The following MYO5C variants were observed in gnomAD, a reference collection of about 807,000 sequenced individuals.
MYO5C encodes myosin VC, also known as unconventional myosin-Vc.
In MYO5C, 194 loss-of-function variants were observed where a neutral mutation model predicts 235.7. The ratio of observed to expected loss-of-function variants is 0.82; its 90% CI spans 0.73 to 0.93. The LOEUF is 0.93. Among genes scored for constraint, MYO5C ranks in the 40% least tolerant of loss-of-function variants. The pLI is 0.00. For missense variants in MYO5C, 2,038 were observed against 2,127.2 expected (o/e 0.96, Z 0.82); for synonymous variants, 707 against 754.8 (o/e 0.94, Z 1.04).
At chr15:52,222,339 T>A (rs902434276) in intron 29 of MYO5C, among the ~76,000 whole-genome samples, 1 of 152,182 alleles carries the variant, frequency 6.6e-6, no homozygotes, top group African/African-American at 2.4e-5. Flanking sequence ...GTTCCCTGTG[T>A]CCACCCCTGG....
Position 52,196,302 on chromosome 15 carries a change from TG to T in MYO5C, c.4995+6del. 6.3e-7 allele frequency: 1 copy of T among 1,598,622 alleles called. No homozygotes were observed. The highest frequency in any genetic ancestry group is 1.1e-5 in the South Asian group (1 of 87,788). ...GAGCCAGGGAGACACTAAGCAAGCC[TG>T]GTCACCTGCACAGCAGACAGTGAGG... On this transcript the variant is annotated splice_donor_region_variant and intron_variant, in intron 39 of 40. Transcript: ENST00000261839.
At chr15:52,285,038 C>T (rs995981785) in intron 1 of MYO5C, among the ~76,000 whole-genome samples, 5 of 151,974 alleles carry the variant, frequency 3.3e-5, no homozygotes, top group Non-Finnish European at 7.4e-5. Context: ...TTATGCTTAA[C>T]ATGTTCATAT....
chr15:52,228,628 G>A (rs2035882536), intron 25 of MYO5C, among the ~76,000 whole-genome samples: 1 of 152,076 alleles, frequency 6.6e-6, no homozygotes, highest in Admixed American at 6.6e-5. Flanking sequence ...TCAAATACTT[G>A]TCATTTTTTG....
intron 13 of MYO5C, chr15:52,251,121 CTGA>C (rs1313779535): frequency 4.0e-6 from 1 of 247,078 alleles, no homozygotes. Flanking sequence ...AGAAAATAAA[CTGA>C]TAAGAGGTTA....
intron 24 of MYO5C, among the ~76,000 whole-genome samples, chr15:52,231,620 T>G (rs1311411956): frequency 1.3e-5 from 2 of 152,234 alleles, no homozygotes; most frequent in African/African-American, 2.4e-5. Context: ...TGATATTCCC[T>G]CCTCTCTTTA....
chr15:52,225,399 A>C, intron 26 of MYO5C, 40 bp downstream of exon 26: 1 of 1,454,776 alleles, frequency 6.9e-7, no homozygotes, highest in Non-Finnish European at 9.7e-7. Flanking sequence ...TGATAAATTC[A>C]GTCTGCACCC....
At position 52,214,650 on chromosome 15, in the gene MYO5C, T is replaced by G; in HGVS notation, c.3995A>C (p.Lys1332Thr). The stretch of plus-strand genomic sequence containing the variant: ...TGTCTTGACTTGATCTTGTAGCTTT[T>G]TAATCACTCTGTCTTTCATGTCTAA... ...EELDMKDRVI[K>T]KLQDQVKTLS... The change falls in exon 33 of 41, where the codon AAA becomes ACA. Residue 1332 changes from lysine (K) to threonine (T), a missense_variant. Physicochemically the swap from Lys to Thr is moderately conservative, Grantham distance 78. Transcript: ENST00000261839. The G allele has an allele frequency of 6.2e-7, 1 of 1,609,852 alleles. No individual in the cohort carries two copies. The highest frequency in any genetic ancestry group is 8.5e-7 in the Non-Finnish European group (1 of 1,177,782).
intron 30 of MYO5C, 43 bp downstream of exon 30, chr15:52,221,119 G>A: frequency 6.7e-7 from 1 of 1,495,458 alleles, no homozygotes; most frequent in Non-Finnish European, 9.2e-7. Context: ...CCGGGGTACA[G>A]GAAACCGTTT....
chr15:52,223,722 A>ACCC lies in MYO5C; in HGVS notation c.3448_3449insGGG (p.Arg1149_Val1150insGly). ...CTGAGACTGGAAATGGCTCTCCAAA[A>ACCC]CACTATTAAAGGAGGGGTCAAGAAA... On this transcript the variant is annotated inframe_insertion and splice_region_variant, in exon 29 of 41. Transcript: ENST00000261839. 1.9e-6 allele frequency: 3 copies of ACCC among 1,613,354 alleles called. No homozygotes were observed. Among genetic ancestry groups the ACCC allele is most frequent in the Non-Finnish European group, 2.5e-6 (3 of 1,179,666 alleles).
In MYO5C at chr15:52,244,590, T is replaced by C. The variant is rs181258821; in HGVS notation, c.2179-23A>G. The C allele has an allele frequency of 3.2e-4, 488 of 1,522,456 alleles. No homozygotes were observed. The Admixed American group carries it at 3.4e-3, about 10-fold the overall frequency. 94.3% of individuals were successfully genotyped at this position (1,522,456 alleles called of 1,614,324 possible). On this transcript the variant is annotated intron_variant, in intron 18 of 40. Transcript: ENST00000261839. Reference sequence around the variant, plus strand: ...ATCCTGGAAGAGAAAAATGATATAGTTAGAATTAAAATCTGTCAGATTTTC... The same window carrying C: ...ATCCTGGAAGAGAAAAATGATATAGCTAGAATTAAAATCTGTCAGATTTTC...
At chr15:52,280,663 G>A (rs1489887217) in intron 2 of MYO5C, among the ~76,000 whole-genome samples, 2 of 152,210 alleles carry the variant, frequency 1.3e-5, no homozygotes, top group African/African-American at 4.8e-5. Context: ...AGGTGGCCCA[G>A]CTGCCTTTCA....
At chr15:52,252,853 A>G (rs986379564) in intron 12 of MYO5C, among the ~76,000 whole-genome samples, 3 of 152,176 alleles carry the variant, frequency 2.0e-5, no homozygotes, top group Non-Finnish European at 4.4e-5. Flanking sequence ...GCCCCATGAG[A>G]GACACTGCCA....
Position 52,193,779 on chromosome 15 carries a change from G to T in MYO5C, c.*123C>A. 5 of 1,044,174 alleles carry T rather than the reference G, an allele frequency of 4.8e-6. No homozygotes were observed. Among genetic ancestry groups the T allele is most frequent in the Non-Finnish European group, 7.0e-6 (5 of 719,292 alleles). 64.7% of individuals were successfully genotyped at this position (1,044,174 alleles called of 1,614,324 possible). A position where few individuals can be genotyped will look rare whatever the true frequency, so the allele number is the denominator to read the frequency against. On this transcript the variant is annotated 3_prime_UTR_variant, in exon 41 of 41. Coordinates refer to ENST00000261839, the MANE Select transcript of MYO5C (RefSeq NM_018728.4). ...GAGTGAGAGATGATGTGGTCCATTT[G>T]AGAAAAGTCTGTTTTCTTCCTTAAA...
chr15:52,200,953 G>T (rs563029291), intron 38 of MYO5C, among the ~76,000 whole-genome samples: 3 of 152,286 alleles, frequency 2.0e-5, no homozygotes, highest in African/African-American at 7.2e-5. Flanking sequence ...AGGAGAGTCA[G>T]TGAACTTGAA....
At chr15:52,276,983 C>T (rs765257426) in intron 4 of MYO5C, 3 of 401,074 alleles carry the variant, frequency 7.5e-6, no homozygotes, top group Non-Finnish European at 1.5e-5. Flanking sequence ...AATGGTGACT[C>T]AGGGGTGGAG....
intron 21 of MYO5C, among the ~76,000 whole-genome samples, chr15:52,238,679 T>C (rs760658914): frequency 6.6e-6 from 1 of 152,232 alleles, no homozygotes; most frequent in Non-Finnish European, 1.5e-5. Flanking sequence ...TCGTTCTCTG[T>C]TGCCCAGGCT....
rs2035854188 is a variant in MYO5C, at chr15:52,227,403, T to G, written c.3207+1730A>C. On this transcript the variant is annotated intron_variant, in intron 25 of 40. Transcript: ENST00000261839. The stretch of plus-strand genomic sequence containing the variant: ...TAGTAGAGATGGGGTTTCACCGTGT[T>G]AACTAGGATGGTCTTGATCTCCTGA... 2.6e-5 allele frequency among the ~76,000 whole-genome samples: 4 copies of G among 151,286 alleles called. No individual in the cohort carries two copies. The South Asian group carries it at 8.4e-4, about 32-fold the overall frequency.
intron 34 of MYO5C, among the ~76,000 whole-genome samples, chr15:52,212,475 G>C (rs188408123): frequency 6.6e-6 from 1 of 152,314 alleles, no homozygotes; most frequent in East Asian, 1.9e-4. Context: ...CCAGTGATGA[G>C]GGGAAAGAAA....
chr15:52,253,001 T>A (rs2141336616), intron 12 of MYO5C, among the ~76,000 whole-genome samples: 1 of 152,334 alleles, frequency 6.6e-6, no homozygotes, highest in Non-Finnish European at 1.5e-5. Context: ...CAATTCTTAT[T>A]AGTCACCGAC....
Sources: allele counts gnomAD v4.1 joint callset (sites outside exome capture counted in the v4.1 genomes callset), GRCh38; gene constraint gnomAD v4.1.1; transcripts MANE v1.5; gene names NCBI Gene and HGNC (gene_info 2026-07-23, HGNC 2026-07-21).